PDE1A: variants seen among roughly 807,000 people sequenced by gnomAD.
PDE1A encodes the protein dual specificity calcium/calmodulin-dependent 3',5'-cyclic nucleotide phosphodiesterase 1A.
PDE1A carries 35 observed loss-of-function variants against 61.7 expected under a neutral mutation model. The observed-to-expected ratio is 0.57, with a 90% confidence interval of 0.43 to 0.75. PDE1A has a LOEUF of 0.75. Among genes scored for constraint, PDE1A ranks in the 30% least tolerant of loss-of-function variants. The pLI is 0.00. For missense variants in PDE1A, 597 were observed against 630.6 expected (o/e 0.95, Z 0.57); for synonymous variants, 232 against 213.2 (o/e 1.09, Z -0.77).
intron 2 of PDE1A, among the ~76,000 whole-genome samples, 167 bp downstream of exon 2, chr2:182,264,134 A>T (rs1268783973): frequency 6.6e-6 from 1 of 152,220 alleles, no homozygotes; most frequent in African/African-American, 2.4e-5. Context: ...ATCATAGTCC[A>T]GTTAATTAGC....
At chr2:182,650,723 A>C in the PDE1A span, among the ~76,000 whole-genome samples, 2 of 152,204 alleles carry the variant, frequency 1.3e-5, no homozygotes, top group African/African-American at 2.4e-5. Context: ...AACTTTTTTA[A>C]CGTAAGTATA....
At chr2:182,493,158 C>A (rs536786553) in intron 2 of PDE1A, among the ~76,000 whole-genome samples, 3 of 152,056 alleles carry the variant, frequency 2.0e-5, no homozygotes, top group Non-Finnish European at 4.4e-5. Context: ...TCAAAGCATG[C>A]CTTGCTATAC....
At chr2:182,625,388 G>A in the PDE1A span, among the ~76,000 whole-genome samples, 18 of 152,314 alleles carry the variant, frequency 1.2e-4, no homozygotes, top group African/African-American at 4.3e-4. Context: ...TACAGAGATT[G>A]GAGAAATAGG....
At chr2:182,604,516 T>C in the PDE1A span, among the ~76,000 whole-genome samples, 7 of 152,186 alleles carry the variant, frequency 4.6e-5, no homozygotes, top group African/African-American at 1.4e-4. Flanking sequence ...ACAAAAGTAA[T>C]CATTTGCTCA....
intron 2 of PDE1A, among the ~76,000 whole-genome samples, chr2:182,457,850 G>T (rs1416136315): frequency 6.6e-6 from 1 of 152,002 alleles, no homozygotes; most frequent in African/African-American, 2.4e-5. Context: ...AATGGTTACA[G>T]TAAGAATAGG....
At chr2:182,405,887 A>G (rs1324963754) in intron 1 of PDE1A, among the ~76,000 whole-genome samples, 2 of 152,084 alleles carry the variant, frequency 1.3e-5, no homozygotes, top group Admixed American at 1.3e-4. Context: ...AATATATGCA[A>G]TTATCATTTG....
the PDE1A span, among the ~76,000 whole-genome samples, chr2:182,626,735 A>G: frequency 1.1e-3 from 5 of 4,478 alleles, no homozygotes; most frequent in African/African-American, 1.3e-3. Context: ...ATATATATAT[A>G]TACATATATA....
chr2:182,145,318 T>A (rs1690436964), downstream of PDE1A, among the ~76,000 whole-genome samples: 1 of 152,098 alleles, frequency 6.6e-6, no homozygotes, highest in African/African-American at 2.4e-5. Flanking sequence ...AAGGCAGGGC[T>A]TTCTCAAACT....
chr2:182,330,933 G>T (rs1697363857), intron 1 of PDE1A, among the ~76,000 whole-genome samples: 2 of 151,894 alleles, frequency 1.3e-5, no homozygotes, highest in South Asian at 2.1e-4. Context: ...GTTCTTCCTG[G>T]AGATCTCACT....
chr2:182,568,356 A>C, the PDE1A span, among the ~76,000 whole-genome samples: 1 of 152,208 alleles, frequency 6.6e-6, no homozygotes, highest in Non-Finnish European at 1.5e-5. Context: ...TTTATCTTCT[A>C]TCCTTTTATA....
intron 1 of PDE1A, among the ~76,000 whole-genome samples, chr2:182,299,810 T>A (rs1055135735): frequency 6.6e-6 from 1 of 152,142 alleles, no homozygotes; most frequent in South Asian, 2.1e-4. Flanking sequence ...TACACCAAGA[T>A]TGCTAACTTT....
chr2:182,659,604 A>G, the PDE1A span, among the ~76,000 whole-genome samples: 1 of 152,168 alleles, frequency 6.6e-6, no homozygotes, highest in Non-Finnish European at 1.5e-5. Context: ...CTTTCTACTC[A>G]TATGGTAGTG....
At chr2:182,363,281 T>C (rs557833355) in intron 1 of PDE1A, among the ~76,000 whole-genome samples, 59 of 152,094 alleles carry the variant, frequency 3.9e-4, no homozygotes, top group Middle Eastern at 6.8e-3. Flanking sequence ...CATGCATATA[T>C]GTTCCTATAC....
intron 1 of PDE1A, among the ~76,000 whole-genome samples, chr2:182,391,527 C>G (rs1369593734): frequency 6.6e-6 from 1 of 152,192 alleles, no homozygotes; most frequent in Non-Finnish European, 1.5e-5. Context: ...AAGACATACC[C>G]TTCACCAATA....
chr2:182,708,719 G>A, the PDE1A span, among the ~76,000 whole-genome samples: 1 of 152,000 alleles, frequency 6.6e-6, no homozygotes, highest in Non-Finnish European at 1.5e-5. Context: ...GATTTGAGTG[G>A]GGACACAGAG....
Position 182,516,201 on chromosome 2 carries a change from A to G in PDE1A, c.101+6075T>C, listed in dbSNP as rs1690139028. Among the ~76,000 whole-genome samples the G allele has an allele frequency of 4.6e-5, 7 of 152,090 alleles. No homozygotes were observed. The South Asian group carries it at 1.5e-3, about 32-fold the overall frequency. On this transcript the variant is annotated intron_variant, in intron 2 of 14. Coordinates refer to the PDE1A transcript ENST00000410103. ...TCAGCAGGACTGTATTCTTTCCAGAAGCTCTAGGCACATTCTGTTTTATTA... is the reference window on the plus strand; with the variant it reads ...TCAGCAGGACTGTATTCTTTCCAGAGGCTCTAGGCACATTCTGTTTTATTA...
the PDE1A span, among the ~76,000 whole-genome samples, chr2:182,547,119 C>T: frequency 2.0e-5 from 3 of 152,110 alleles, no homozygotes; most frequent in East Asian, 5.8e-4. Context: ...GTAAATACAT[C>T]TAAAAATAGG....
At chr2:182,464,268 G>A (rs979751990) in intron 2 of PDE1A, among the ~76,000 whole-genome samples, 8 of 151,556 alleles carry the variant, frequency 5.3e-5, no homozygotes, top group African/African-American at 1.9e-4. Flanking sequence ...CTTTACTTAG[G>A]ACCATTGTGA....
the PDE1A span, among the ~76,000 whole-genome samples, chr2:182,583,044 G>C: frequency 6.6e-6 from 1 of 152,080 alleles, no homozygotes; most frequent in Non-Finnish European, 1.5e-5. Flanking sequence ...GGAGTGATTA[G>C]AACAGAAAAA....
Sources: gnomAD v4.1 joint callset for allele counts (sites outside exome capture counted in the v4.1 genomes callset) on GRCh38, gnomAD v4.1.1 for gene constraint, MANE v1.5 for transcripts, NCBI Gene and HGNC (gene_info 2026-07-23, HGNC 2026-07-21) for gene names.